The following ATXN7L1 variants were observed in gnomAD, a reference collection of about 807,000 sequenced individuals.
The protein encoded by ATXN7L1 is ataxin-7-like protein 1.
Under a neutral mutation model 70.8 loss-of-function variants are expected in ATXN7L1, and 15 were observed. The ratio of observed to expected loss-of-function variants is 0.21; its 90% CI spans 0.14 to 0.33. The LOEUF (loss-of-function observed/expected upper bound fraction) is 0.33. ATXN7L1 is among the 10% of genes least tolerant of loss of function. The pLI is 1.00. For synonymous variants in ATXN7L1, 440 were observed against 445.1 expected (o/e 0.99, Z 0.14); for missense variants, 975 against 1,097.1 (o/e 0.89, Z 1.57).
intron 3 of ATXN7L1, among the ~76,000 whole-genome samples, chr7:105,682,557 C>T (rs1805674558): frequency 6.6e-6 from 1 of 152,056 alleles, no homozygotes. Context: ...AGTGGATAAA[C>T]AAACACTGTG....
chr7:105,608,304 G>C (rs983631938), intron 11 of ATXN7L1, among the ~76,000 whole-genome samples: 2 of 152,220 alleles, frequency 1.3e-5, no homozygotes, highest in Admixed American at 6.5e-5. Context: ...CAGAGGCTCT[G>C]GAGAGAGAGA....
chr7:105,777,810 G>A lies in ATXN7L1; in HGVS notation c.355+10794C>T, dbSNP rs189541290. Among the ~76,000 whole-genome samples the A allele has an allele frequency of 2.1e-3, 315 of 152,228 alleles. 1 individual carries two copies. In the Middle Eastern group the frequency reaches 0.024, roughly 12 times the overall value. ...ACCCCCCAGTGTCTTAGCACCACAC[G>A]TAGAGTAAAACCCAACCTTCAGACT... On this transcript the variant is annotated intron_variant, in intron 3 of 11. Coordinates refer to ENST00000419735, the MANE Select transcript of ATXN7L1 (RefSeq NM_020725.2).
chr7:105,701,815 C>T lies in ATXN7L1; in HGVS notation c.356-36527G>A, dbSNP rs541647375. On this transcript the variant is annotated intron_variant, in intron 3 of 11. Coordinates refer to ENST00000419735, the MANE Select transcript of ATXN7L1 (RefSeq NM_020725.2). ...AAACTCCTGGGCTCAAGTGATCCTC[C>T]TGCCTCAGCCTCCTGAATAGCTGGG... Among the ~76,000 whole-genome samples the T allele has an allele frequency of 3.0e-4, 46 of 152,334 alleles. No individual in the cohort carries two copies. In the South Asian group the frequency reaches 8.3e-3, roughly 27 times the overall value.
chr7:105,854,816 G>A (rs901402142), intron 2 of ATXN7L1, among the ~76,000 whole-genome samples: 22 of 152,146 alleles, frequency 1.4e-4, no homozygotes, highest in South Asian at 6.2e-4. Context: ...AATGTGGTGA[G>A]CCAATTATTA....
At chr7:105,731,298 T>G (rs1175842964) in intron 3 of ATXN7L1, among the ~76,000 whole-genome samples, 1 of 152,180 alleles carries the variant, frequency 6.6e-6, no homozygotes, top group East Asian at 1.9e-4. Flanking sequence ...AAAACACTTC[T>G]GGTCCCAAGC....
intron 2 of ATXN7L1, among the ~76,000 whole-genome samples, chr7:105,798,590 CCTGCCTT>C (rs1806338514): frequency 6.6e-6 from 1 of 152,240 alleles, no homozygotes. Flanking sequence ...TTGGCCTATG[CCTGCCTT>C]AGGCTCATGC....
chr7:105,831,849 G>A (rs963326415), intron 2 of ATXN7L1, among the ~76,000 whole-genome samples: 1 of 152,200 alleles, frequency 6.6e-6, no homozygotes, highest in Non-Finnish European at 1.5e-5. Context: ...GGGTGGGCTA[G>A]GCATGGGAAG....
intron 3 of ATXN7L1, among the ~76,000 whole-genome samples, chr7:105,741,007 G>A (rs1290306220): frequency 6.6e-6 from 1 of 151,928 alleles, no homozygotes; most frequent in East Asian, 1.9e-4. Context: ...CTCGTGATCT[G>A]CCCGCCTCGG....
intron 3 of ATXN7L1, among the ~76,000 whole-genome samples, chr7:105,758,943 G>A (rs1406969922): frequency 6.6e-6 from 1 of 152,138 alleles, no homozygotes; most frequent in Non-Finnish European, 1.5e-5. Flanking sequence ...TACATCTTGA[G>A]CCATCCCTGC....
At chr7:105,662,066 CCTTCCTTCCTTCCTTCTTTCTTTTCT>C (rs1801755382) in intron 4 of ATXN7L1, among the ~76,000 whole-genome samples, 1 of 90,376 alleles carries the variant, frequency 1.1e-5, no homozygotes, top group African/African-American at 3.3e-5. Context: ...TTCCTTCCTT[CCTTCCTTCCTTCCTTCTTTCTTTTCT>C]TTTCTTTTCT....
At chr7:105,677,168 T>C (rs1804805969) in intron 3 of ATXN7L1, among the ~76,000 whole-genome samples, 1 of 152,188 alleles carries the variant, frequency 6.6e-6, no homozygotes, top group African/African-American at 2.4e-5. Flanking sequence ...ATCTGTGATT[T>C]TTTAAAAGGT....
chr7:105,839,224 G>A (rs1812845824), intron 2 of ATXN7L1, among the ~76,000 whole-genome samples: 1 of 151,410 alleles, frequency 6.6e-6, no homozygotes, highest in Non-Finnish European at 1.5e-5. Flanking sequence ...AGCTGTTGCT[G>A]CTGCATGAAA....
At chr7:105,855,146 G>A (rs1160632210) in intron 2 of ATXN7L1, among the ~76,000 whole-genome samples, 1 of 152,054 alleles carries the variant, frequency 6.6e-6, no homozygotes, top group African/African-American at 2.4e-5. Context: ...GTACAGATGG[G>A]GTTTCACCCT....
intron 7 of ATXN7L1, among the ~76,000 whole-genome samples, chr7:105,637,855 G>A (rs1251544703): frequency 6.6e-6 from 1 of 152,114 alleles, no homozygotes; most frequent in Non-Finnish European, 1.5e-5. Context: ...ATAGGAGAGC[G>A]TGCAAAACAA....
At chr7:105,755,723 C>T (rs549997801) in intron 3 of ATXN7L1, among the ~76,000 whole-genome samples, 1 of 152,152 alleles carries the variant, frequency 6.6e-6, no homozygotes, top group Non-Finnish European at 1.5e-5. Flanking sequence ...TTATTAGATC[C>T]TAATCCCTAA....
rs1797687445 is a variant in ATXN7L1, at chr7:105,638,354, T to C, written c.1201A>G (p.Arg401Gly). Reference sequence around the variant, plus strand: ...TTCTATCGTCAAGGTGGTACTTACCTAGGAAGTACAGAGTTGGGTGGTCTG... The same window carrying C: ...TTCTATCGTCAAGGTGGTACTTACCCAGGAAGTACAGAGTTGGGTGGTCTG... ...KSRPPNSVLP[R>G]PSSANSISSS... The change falls in exon 7 of 12, where the codon AGA becomes GGA. Residue 401 changes from arginine to glycine, a missense_variant and splice_region_variant. By Grantham distance (125) the Arg-to-Gly change is moderately radical. Transcript: ENST00000419735. The C allele has an allele frequency of 1.9e-6, 3 of 1,550,234 alleles. No individual in the cohort carries two copies. The highest frequency in any genetic ancestry group is 3.9e-5 in the Admixed American group (2 of 50,918).
At chr7:105,757,578 ATTT>A (rs34846815) in intron 3 of ATXN7L1, among the ~76,000 whole-genome samples, 2 of 62,454 alleles carry the variant, frequency 3.2e-5, no homozygotes, top group Non-Finnish European at 6.3e-5. Context: ...ACCTTTCTGT[ATTT>A]TTTTTTTTTT....
At chr7:105,840,685 G>A (rs534748967) in intron 2 of ATXN7L1, among the ~76,000 whole-genome samples, 6 of 152,246 alleles carry the variant, frequency 3.9e-5, no homozygotes, top group African/African-American at 1.2e-4. Flanking sequence ...CATCTCCAAC[G>A]GCTCCAGGGC....
intron 3 of ATXN7L1, among the ~76,000 whole-genome samples, chr7:105,763,199 C>G (rs1433099001): frequency 1.3e-5 from 2 of 152,248 alleles, no homozygotes; most frequent in African/African-American, 2.4e-5. Flanking sequence ...GGGTAAGGCT[C>G]TCGTCTTCTC....
Sources: gnomAD v4.1 joint callset for allele counts (sites outside exome capture counted in the v4.1 genomes callset) on GRCh38, gnomAD v4.1.1 for gene constraint, MANE v1.5 for transcripts, NCBI Gene and HGNC (gene_info 2026-07-23, HGNC 2026-07-21) for gene names.